ANKRD28: variants seen among roughly 807,000 people sequenced by gnomAD.
The protein encoded by ANKRD28 is ankyrin repeat domain 28, also known as serine/threonine-protein phosphatase 6 regulatory ankyrin repeat subunit A.
Under a neutral mutation model 126.5 loss-of-function variants are expected in ANKRD28, and 44 were observed. The ratio of observed to expected loss-of-function variants is 0.35; its 90% confidence interval spans 0.27 to 0.45. The LOEUF (loss-of-function observed/expected upper bound fraction) is 0.45, where lower values mean the gene tolerates loss of function less well. ANKRD28 is among the 20% of genes least tolerant of loss of function. The pLI, the probability that ANKRD28 is intolerant of heterozygous loss-of-function variation, is 1.00. For missense variants in ANKRD28, 1,110 were observed against 1,316.6 expected (o/e 0.84, Z 2.43); for synonymous variants, 442 against 468.5 (o/e 0.94, Z 0.73).
intron 1 of ANKRD28, among the ~76,000 whole-genome samples, chr3:15,804,441 C>G (rs1243798517): frequency 6.9e-6 from 1 of 145,540 alleles, no homozygotes; most frequent in Non-Finnish European, 1.5e-5. Flanking sequence ...AGGAAGGGTG[C>G]TTTGTCAAAG....
intron 27 of ANKRD28, among the ~76,000 whole-genome samples, chr3:15,675,350 T>C (rs920268636): frequency 6.6e-6 from 1 of 152,184 alleles, no homozygotes; most frequent in Non-Finnish European, 1.5e-5. Context: ...GTAGTTTTGC[T>C]GCAAAAGGGG....
intron 4 of ANKRD28, among the ~76,000 whole-genome samples, chr3:15,747,871 C>T (rs1409588599): frequency 6.6e-6 from 1 of 152,096 alleles, no homozygotes; most frequent in Non-Finnish European, 1.5e-5. Context: ...TTTGGGAGCT[C>T]CAGTGTTAGG....
chr3:15,730,828 G>T (rs2074536602), intron 6 of ANKRD28, among the ~76,000 whole-genome samples: 1 of 152,216 alleles, frequency 6.6e-6, no homozygotes, highest in Admixed American at 6.5e-5. Context: ...AAGTTCATAT[G>T]TTGGAAGTGT....
chr3:15,766,395 C>T (rs896190852), intron 2 of ANKRD28, 83 bp from the exon 3 acceptor site: 15 of 916,994 alleles, frequency 1.6e-5, no homozygotes, highest in Non-Finnish European at 2.4e-5. Context: ...AACAACAACC[C>T]CTCCCCCCAC....
chr3:15,706,174 T>C (rs946556199), intron 14 of ANKRD28, among the ~76,000 whole-genome samples: 1 of 152,098 alleles, frequency 6.6e-6, no homozygotes, highest in Non-Finnish European at 1.5e-5. Context: ...ATGTGCCACG[T>C]TGGTGTGCTG....
intron 14 of ANKRD28, among the ~76,000 whole-genome samples, chr3:15,697,638 C>T (rs2069841050): frequency 6.6e-6 from 1 of 152,052 alleles, no homozygotes; most frequent in African/African-American, 2.4e-5. Flanking sequence ...TGATATGCTG[C>T]TGGATTCAGT....
intron 1 of ANKRD28, chr3:15,859,234 C>G (rs1200781796): frequency 1.6e-6 from 2 of 1,281,982 alleles, no homozygotes; most frequent in Non-Finnish European, 2.0e-6. Flanking sequence ...GGCCCGCCGT[C>G]TCGCGCAGGT....
chr3:15,774,336 G>GA (rs2059159000), intron 2 of ANKRD28, among the ~76,000 whole-genome samples: 1 of 152,008 alleles, frequency 6.6e-6, no homozygotes, highest in Non-Finnish European at 1.5e-5. Context: ...CATGCACTGG[G>GA]AAAAAATACT....
upstream of ANKRD28, among the ~76,000 whole-genome samples, chr3:15,802,820 C>T (rs1302428344): frequency 6.6e-6 from 1 of 152,138 alleles, no homozygotes; most frequent in Non-Finnish European, 1.5e-5. Context: ...TTATCTGCCC[C>T]ATCCATTCAC....
At chr3:15,842,549 T>C (rs903648854) in intron 1 of ANKRD28, among the ~76,000 whole-genome samples, 1 of 152,158 alleles carries the variant, frequency 6.6e-6, no homozygotes, top group African/African-American at 2.4e-5. Context: ...TCAAAAATAA[T>C]TTAAATGAAC....
intron 1 of ANKRD28, among the ~76,000 whole-genome samples, chr3:15,855,271 A>G (rs775844382): frequency 6.6e-6 from 1 of 152,148 alleles, no homozygotes. Context: ...ACTATCCAAA[A>G]TAGTGGTTAA....
At chr3:15,711,307 A>T (rs1239737860) in intron 11 of ANKRD28, 33 bp from the exon 12 acceptor site, 1 of 1,545,688 alleles carries the variant, frequency 6.5e-7, no homozygotes, top group Non-Finnish European at 8.9e-7. Flanking sequence ...TTTATAACAG[A>T]CATATTATTT....
chr3:15,801,344 T>G (rs1575732902), upstream of ANKRD28, among the ~76,000 whole-genome samples: 3 of 152,154 alleles, frequency 2.0e-5, no homozygotes, highest in Non-Finnish European at 4.4e-5. The surrounding 1 kb of genome is among the most constrained non-coding windows in gnomAD (Gnocchi z 4.9). Flanking sequence ...CACAAACGAT[T>G]TTTCCTTTCT....
intron 2 of ANKRD28, among the ~76,000 whole-genome samples, chr3:15,768,471 A>C (rs2058849160): frequency 6.6e-6 from 1 of 152,070 alleles, no homozygotes; most frequent in Admixed American, 6.5e-5. Flanking sequence ...ATATAGTGAG[A>C]CCTCATCTCT....
chr3:15,672,087 T>G (rs1225124640), intron 27 of ANKRD28, among the ~76,000 whole-genome samples: 1 of 152,184 alleles, frequency 6.6e-6, no homozygotes, highest in African/African-American at 2.4e-5. Context: ...GGGCATCTGG[T>G]TGCTTCCAGT....
At chr3:15,726,212 C>T (rs1208753483) in intron 6 of ANKRD28, among the ~76,000 whole-genome samples, 1 of 152,188 alleles carries the variant, frequency 6.6e-6, no homozygotes, top group Non-Finnish European at 1.5e-5. Context: ...TTGCATACCT[C>T]TCACTTTAAA....
chr3:15,691,268 C>T (rs887977139), intron 17 of ANKRD28, among the ~76,000 whole-genome samples: 17 of 152,010 alleles, frequency 1.1e-4, no homozygotes, highest in African/African-American at 2.2e-4. Flanking sequence ...GGATTACAGG[C>T]GCATGCCACC....
intron 1 of ANKRD28, among the ~76,000 whole-genome samples, chr3:15,849,672 A>C (rs2061597149): frequency 6.6e-6 from 1 of 152,076 alleles, no homozygotes; most frequent in Non-Finnish European, 1.5e-5. Context: ...CTTATCTTCT[A>C]CCTGTTTCAC....
At chr3:15,810,658 A>G (rs914344318) in intron 1 of ANKRD28, among the ~76,000 whole-genome samples, 9 of 151,120 alleles carry the variant, frequency 6.0e-5, no homozygotes, top group African/African-American at 2.2e-4. Flanking sequence ...TCAACACTAC[A>G]TGAGTTAGGT....
Sources: gnomAD v4.1 joint callset for allele counts (sites outside exome capture counted in the v4.1 genomes callset) on GRCh38, gnomAD v4.1.1 for gene constraint, Gnocchi (gnomAD v3.1) non-coding constraint, MANE v1.5 for transcripts, NCBI Gene and HGNC (gene_info 2026-07-23, HGNC 2026-07-21) for gene names.